The following PPARGC1A variants were observed in gnomAD, a reference collection of about 807,000 sequenced individuals.
PPARGC1A encodes PPARG coactivator 1 alpha, also known as peroxisome proliferator-activated receptor gamma coactivator 1-alpha.
In PPARGC1A, 25 loss-of-function variants were observed where a neutral mutation model predicts 88.7. That is an observed-to-expected ratio of 0.28 (90% CI 0.21 to 0.39). PPARGC1A has a LOEUF of 0.39. Among genes scored for constraint, PPARGC1A ranks in the 10% least tolerant of loss-of-function variants. The probability of loss-of-function intolerance (pLI) is 1.00; values close to 1 mark genes in which losing one functional copy is unlikely to be tolerated. For synonymous variants in PPARGC1A, 363 were observed against 355.6 expected, an observed-to-expected ratio of 1.02 and a Z score of -0.24; for missense variants, 880 against 968.7, an observed-to-expected ratio of 0.91 and a Z score of 1.22.
the PPARGC1A span, among the ~76,000 whole-genome samples, chr4:24,040,184 G>A: frequency 9.2e-5 from 14 of 152,204 alleles, no homozygotes; most frequent in South Asian, 1.5e-3. Context: ...CATTAGGTAC[G>A]ACATCATCAG....
the PPARGC1A span, among the ~76,000 whole-genome samples, chr4:24,120,117 T>C: frequency 6.6e-6 from 1 of 152,146 alleles, no homozygotes; most frequent in African/African-American, 2.4e-5. Flanking sequence ...TGCATAAATC[T>C]CTTTTAAAGT....
At chr4:23,980,937 C>G in the PPARGC1A span, among the ~76,000 whole-genome samples, 1 of 152,084 alleles carries the variant, frequency 6.6e-6, no homozygotes, top group African/African-American at 2.4e-5. Context: ...CCTGGGTGAC[C>G]GTGAACTTGA....
At chr4:24,173,432 C>A in the PPARGC1A span, among the ~76,000 whole-genome samples, 2 of 151,782 alleles carry the variant, frequency 1.3e-5, no homozygotes, top group Non-Finnish European at 2.9e-5. Context: ...CATGGAGGTG[C>A]ACAACTGTAG....
At chr4:24,336,426 T>C in the PPARGC1A span, among the ~76,000 whole-genome samples, 1 of 152,144 alleles carries the variant, frequency 6.6e-6, no homozygotes, top group Middle Eastern at 3.2e-3. Context: ...TTTCTTACTA[T>C]AAAAGTAATA....
the PPARGC1A span, among the ~76,000 whole-genome samples, chr4:23,981,332 T>C: frequency 1.3e-5 from 2 of 152,008 alleles, no homozygotes; most frequent in African/African-American, 4.8e-5. Context: ...ACATAACACA[T>C]GCAAAAGAAA....
the PPARGC1A span, among the ~76,000 whole-genome samples, chr4:24,019,183 T>C: frequency 1.3e-5 from 2 of 152,188 alleles, no homozygotes; most frequent in East Asian, 1.9e-4. Flanking sequence ...TTATAAACAA[T>C]GCTGTGAAGA....
At chr4:23,933,010 T>C in the PPARGC1A span, among the ~76,000 whole-genome samples, 1 of 152,032 alleles carries the variant, frequency 6.6e-6, no homozygotes, top group Admixed American at 6.6e-5. Context: ...GTGACTCTAG[T>C]GGTATAAAAA....
chr4:23,921,898 T>A, the PPARGC1A span, among the ~76,000 whole-genome samples: 1 of 152,208 alleles, frequency 6.6e-6, no homozygotes, highest in Non-Finnish European at 1.5e-5. Flanking sequence ...ACTACAAGTG[T>A]CGGAGAGCAC....
intron 2 of PPARGC1A, among the ~76,000 whole-genome samples, chr4:23,872,931 C>T (rs1713729019): frequency 1.3e-5 from 2 of 152,124 alleles, no homozygotes; most frequent in Non-Finnish European, 2.9e-5. Context: ...GTGGCTCACA[C>T]CTGTAATCCC....
At chr4:24,281,268 TAAAGA>T in the PPARGC1A span, among the ~76,000 whole-genome samples, 1 of 152,212 alleles carries the variant, frequency 6.6e-6, no homozygotes, top group African/African-American at 2.4e-5. Context: ...GGGTAAATTA[TAAAGA>T]AAAGAGGTTT....
the PPARGC1A span, among the ~76,000 whole-genome samples, chr4:24,088,575 T>C: frequency 6.6e-6 from 1 of 152,194 alleles, no homozygotes; most frequent in Non-Finnish European, 1.5e-5. Flanking sequence ...TGTTTCCCTA[T>C]TGGTACAAAA....
At chr4:24,400,945 GTT>G in the PPARGC1A span, among the ~76,000 whole-genome samples, 1 of 148,088 alleles carries the variant, frequency 6.8e-6, no homozygotes, top group Non-Finnish European at 1.5e-5. Context: ...ATTCAAAGTT[GTT>G]TACTTGTATC....
At chr4:24,114,065 A>G in the PPARGC1A span, among the ~76,000 whole-genome samples, 1 of 142,924 alleles carries the variant, frequency 7.0e-6, no homozygotes, top group East Asian at 2.3e-4. Context: ...TGGAGACCGC[A>G]GTGAGCCGAG....
At chr4:24,332,929 G>A in the PPARGC1A span, among the ~76,000 whole-genome samples, 2 of 152,186 alleles carry the variant, frequency 1.3e-5, no homozygotes, top group African/African-American at 4.8e-5. Context: ...TGGAAGAACA[G>A]ATGAGTAAAT....
chr4:24,236,409 G>A, the PPARGC1A span, among the ~76,000 whole-genome samples: 1 of 152,134 alleles, frequency 6.6e-6, no homozygotes, highest in Non-Finnish European at 1.5e-5. Context: ...GACTTCCAGG[G>A]ACCTGGTGCA....
chr4:24,441,748 A>G, the PPARGC1A span, among the ~76,000 whole-genome samples: 1 of 152,258 alleles, frequency 6.6e-6, no homozygotes, highest in South Asian at 2.1e-4. Flanking sequence ...GAGGGGAGGA[A>G]AAGGGTGGAA....
At chr4:24,076,887 A>G in the PPARGC1A span, among the ~76,000 whole-genome samples, 1 of 152,114 alleles carries the variant, frequency 6.6e-6, no homozygotes, top group Non-Finnish European at 1.5e-5. Flanking sequence ...TTATGTTATT[A>G]TAACTATTTA....
At chr4:23,951,284 G>A in the PPARGC1A span, among the ~76,000 whole-genome samples, 4 of 152,120 alleles carry the variant, frequency 2.6e-5, no homozygotes, top group Non-Finnish European at 5.9e-5. Context: ...GAAGTGGGAA[G>A]GGTATGCCAG....
the PPARGC1A span, among the ~76,000 whole-genome samples, chr4:24,243,144 A>G: frequency 6.6e-6 from 1 of 152,238 alleles, no homozygotes; most frequent in Non-Finnish European, 1.5e-5. Context: ...CTGGTTCACC[A>G]GAACTGCTCA....
Sources: gnomAD v4.1 joint callset for allele counts (sites outside exome capture counted in the v4.1 genomes callset) on GRCh38, gnomAD v4.1.1 for gene constraint, MANE v1.5 for transcripts, NCBI Gene and HGNC (gene_info 2026-07-23, HGNC 2026-07-21) for gene names.